The following GPR89B variants were observed in gnomAD, a reference collection of about 807,000 sequenced individuals.
GPR89B encodes golgi pH regulator B.
Under a neutral mutation model 52.4 loss-of-function variants are expected in GPR89B, and 25 were observed. That is an observed-to-expected ratio of 0.48 (90% CI 0.35 to 0.67). The LOEUF is 0.67. GPR89B is among the 30% of genes least tolerant of loss of function. GPR89B has a pLI of 0.01. For synonymous variants in GPR89B, 52 were observed against 151.2 expected (o/e 0.34, Z 4.81); for missense variants, 146 against 450.2 (o/e 0.32, Z 6.11).
At chr1:147,955,406 CTT>C (rs1359902421) in intron 7 of GPR89B, among the ~76,000 whole-genome samples, 1 of 151,980 alleles carries the variant, frequency 6.6e-6, no homozygotes, top group Non-Finnish European at 1.5e-5. Context: ...GATTTCAGAT[CTT>C]TTGGGTAAAT....
At chr1:148,023,438 A>G in the GPR89B span, among the ~76,000 whole-genome samples, 2 of 144,584 alleles carry the variant, frequency 1.4e-5, no homozygotes, top group African/African-American at 5.4e-5. Context: ...TTAATGATTT[A>G]CATTCCTTTG....
At chr1:147,988,333 G>C (rs1658812520) in intron 11 of GPR89B, 99 bp from the exon 12 acceptor site, 3 of 1,525,800 alleles carry the variant, frequency 2.0e-6, no homozygotes, top group Non-Finnish European at 2.7e-6. Flanking sequence ...GTCTAATAAA[G>C]CTCCCTCTCA....
At chr1:147,951,739 CT>C (rs1386874642) in intron 5 of GPR89B, among the ~76,000 whole-genome samples, 3 of 151,876 alleles carry the variant, frequency 2.0e-5, no homozygotes, top group African/African-American at 7.3e-5. Context: ...GCTTACCCCC[CT>C]GGCAGAAAAC....
In GPR89B at chr1:147,993,414, C is replaced by T. The variant is rs1168424530; in HGVS notation, c.*497C>T. The T allele has an allele frequency of 0.04, 9,263 of 232,214 alleles. 265 individuals are homozygous for T. The highest frequency in any genetic ancestry group is 0.072 in the African/African-American group (3,128 of 43,340). The allele number at this position is 232,214 out of a possible 1,614,324, so 14.4% of individuals were successfully genotyped here. Reference sequence around the variant, plus strand: ...GCTTGTGTGATCTAACATGAGTTAGCATCCCACACCTCCTCTTCTGATCCT... The same window carrying T: ...GCTTGTGTGATCTAACATGAGTTAGTATCCCACACCTCCTCTTCTGATCCT... On this transcript the variant is annotated 3_prime_UTR_variant, in exon 14 of 14. Coordinates refer to ENST00000314163, the MANE Select transcript of GPR89B (RefSeq NM_016334.5).
intron 7 of GPR89B, among the ~76,000 whole-genome samples, chr1:147,956,392 T>C (rs1656115045): frequency 6.6e-6 from 1 of 152,302 alleles, no homozygotes; most frequent in Admixed American, 6.5e-5. Context: ...TGTGGTTCCA[T>C]ATGTATTTTA....
intron 12 of GPR89B, 35 bp from the exon 13 acceptor site, chr1:147,992,467 G>T (rs2796929): frequency 6.3e-7 from 1 of 1,579,790 alleles, no homozygotes; most frequent in African/African-American, 1.4e-5. Context: ...GAATCTAACA[G>T]TACTGCATAA....
intron 5 of GPR89B, among the ~76,000 whole-genome samples, chr1:147,949,541 C>A (rs1655352681): frequency 7.7e-6 from 1 of 130,256 alleles, no homozygotes; most frequent in Non-Finnish European, 1.6e-5. Context: ...GCGCCCCTCA[C>A]CTCCCGGACG....
the GPR89B span, chr1:148,022,066 C>T: frequency 1.3e-4 from 20 of 150,638 alleles, no homozygotes; most frequent in Non-Finnish European, 1.5e-5. Context: ...TACTTTTCTC[C>T]ATCTTGTTTT....
At chr1:148,010,770 C>CT in the GPR89B span, 1 of 152,258 alleles carries the variant, frequency 6.6e-6, no homozygotes, top group Admixed American at 6.5e-5. Flanking sequence ...AGACAAAGGC[C>CT]TGGATGAATT....
At chr1:147,940,060 T>C (rs1654419599) in intron 3 of GPR89B, among the ~76,000 whole-genome samples, 1 of 151,664 alleles carries the variant, frequency 6.6e-6, no homozygotes, top group African/African-American at 2.4e-5. Context: ...ATAACATGTA[T>C]TATGGTAAAA....
chr1:147,963,536 T>C (rs1198403388), intron 7 of GPR89B, among the ~76,000 whole-genome samples: 1 of 151,840 alleles, frequency 6.6e-6, no homozygotes, highest in African/African-American at 2.4e-5. Context: ...TAAGCAAAAA[T>C]GATGAACATT....
chr1:147,987,191 A>G (rs1658728618), intron 11 of GPR89B, among the ~76,000 whole-genome samples: 1 of 152,200 alleles, frequency 6.6e-6, no homozygotes, highest in South Asian at 2.1e-4. Flanking sequence ...AAGGAACATG[A>G]TATCTTTTCT....
At chr1:147,945,778 G>T (rs1280739405) in intron 5 of GPR89B, among the ~76,000 whole-genome samples, 1 of 150,398 alleles carries the variant, frequency 6.6e-6, no homozygotes, top group East Asian at 2.0e-4. Context: ...AGGCTGGAGT[G>T]CAGTGGCATG....
At chr1:147,961,412 C>A (rs1209018706) in intron 7 of GPR89B, among the ~76,000 whole-genome samples, 2 of 152,068 alleles carry the variant, frequency 1.3e-5, no homozygotes, top group East Asian at 3.9e-4. Context: ...AAGAGAAAAT[C>A]TTGAAAGCAA....
downstream of GPR89B, among the ~76,000 whole-genome samples, chr1:147,997,901 G>A (rs1251562256): frequency 2.6e-5 from 4 of 152,180 alleles, no homozygotes; most frequent in South Asian, 2.1e-4. Context: ...TGGGATCTGC[G>A]CTTATTTATT....
chr1:147,943,515 G>C lies in GPR89B; in HGVS notation c.284G>C (p.Gly95Ala), dbSNP rs781891808. Residue 95 changes from glycine (G) to alanine (A), a missense_variant, in exon 4 of 14, where the codon GGC (glycine) becomes GCC (alanine). Gly to Ala is a moderately conservative substitution (Grantham distance 60). Transcript: ENST00000314163. ...GTTTTCATGGTGCCTTTTTACATTG[G>C]CTATTTTATTGTGAGCAATATCCGA... ...ILVFMVPFYI[G>A]YFIVSNIRLL... 2 of 1,612,852 alleles carry C rather than the reference G, an allele frequency of 1.2e-6. No homozygotes were observed. The highest frequency in any genetic ancestry group is 4.5e-5 in the East Asian group (2 of 44,762).
chr1:147,991,294 A>G (rs1212933099), intron 12 of GPR89B, among the ~76,000 whole-genome samples: 11 of 151,942 alleles, frequency 7.2e-5, no homozygotes, highest in Non-Finnish European at 2.9e-5. Flanking sequence ...TTGCACATTG[A>G]TTTTGTATCC....
At chr1:147,989,900 G>A (rs1658936965) in intron 12 of GPR89B, among the ~76,000 whole-genome samples, 1 of 152,174 alleles carries the variant, frequency 6.6e-6, no homozygotes, top group African/African-American at 2.4e-5. Flanking sequence ...TGAATAGTAT[G>A]AATATTGCAC....
chr1:147,977,262 A>AAAAAAAC (rs1657910984), intron 10 of GPR89B, among the ~76,000 whole-genome samples: 1 of 133,600 alleles, frequency 7.5e-6, no homozygotes. Context: ...AAAAAAAAAA[A>AAAAAAAC]CAGAATGTTG....
Sources: gnomAD v4.1 joint callset for allele counts (sites outside exome capture counted in the v4.1 genomes callset) on GRCh38, gnomAD v4.1.1 for gene constraint, MANE v1.5 for transcripts, NCBI Gene and HGNC (gene_info 2026-07-23, HGNC 2026-07-21) for gene names.